ERC2: variants seen among roughly 807,000 people sequenced by gnomAD.
ERC2 encodes ERC protein 2.
ERC2 carries 42 observed loss-of-function variants against 114.8 expected under a neutral mutation model. The observed-to-expected ratio is 0.37, with a 90% CI of 0.29 to 0.47. The LOEUF (loss-of-function observed/expected upper bound fraction) is 0.47, where lower values mean the gene tolerates loss of function less well. ERC2 is among the 20% of genes least tolerant of loss of function. The probability of loss-of-function intolerance (pLI) is 0.99; values close to 1 mark genes in which losing one functional copy is unlikely to be tolerated. For synonymous variants in ERC2, 454 were observed against 425.5 expected, an observed-to-expected ratio of 1.07 and a Z score of -0.82; for missense variants, 939 against 1,150.7, an observed-to-expected ratio of 0.82 and a Z score of 2.66.
chr3:56,238,260 G>A (rs1487642643), intron 3 of ERC2, among the ~76,000 whole-genome samples: 5 of 152,230 alleles, frequency 3.3e-5, no homozygotes, highest in Admixed American at 3.3e-4. Flanking sequence ...CACAGCCTCT[G>A]TCCTTGGAAA....
Position 55,839,673 on chromosome 3 carries a change from C to A in ERC2, c.2564+48716G>T, listed in dbSNP as rs865954697. Among the ~76,000 whole-genome samples the A allele has an allele frequency of 5.3e-5, 8 of 151,750 alleles. No homozygotes were observed. In the Middle Eastern group the frequency reaches 0.01, roughly 195 times the overall value. ...CATATTATAAATCCTAAAGCAACCA[C>A]CAAAATAACAAAACAAAGAGCTATG... On this transcript the variant is annotated intron_variant, in intron 14 of 17. Coordinates refer to ENST00000288221, the MANE Select transcript of ERC2 (RefSeq NM_015576.3).
chr3:56,345,188 G>A (rs1267721240), intron 2 of ERC2, among the ~76,000 whole-genome samples: 1 of 152,232 alleles, frequency 6.6e-6, no homozygotes, highest in African/African-American at 2.4e-5. Context: ...ACCAGACACT[G>A]TAAGGATCTG....
intron 1 of ERC2, among the ~76,000 whole-genome samples, chr3:56,465,685 C>G (rs191019202): frequency 8.5e-5 from 13 of 152,186 alleles, no homozygotes; most frequent in African/African-American, 2.9e-4. Context: ...AGTTTGGAAC[C>G]AAATTTTTAT....
chr3:55,814,429 A>T (rs947118912), intron 14 of ERC2, among the ~76,000 whole-genome samples: 6 of 152,238 alleles, frequency 3.9e-5, no homozygotes, highest in Admixed American at 2.6e-4. Context: ...TCCTGCTGCC[A>T]ACTCGGAAGA....
intron 17 of ERC2, among the ~76,000 whole-genome samples, chr3:55,547,592 A>G (rs983026434): frequency 6.6e-6 from 1 of 152,156 alleles, no homozygotes; most frequent in Admixed American, 6.5e-5. Context: ...TCCGTGGGGT[A>G]GCACACAAAA....
At chr3:56,032,977 G>GACAGAGAAAGAAAGAA (rs767054115) in intron 7 of ERC2, among the ~76,000 whole-genome samples, 1 of 45,438 alleles carries the variant, frequency 2.2e-5, no homozygotes, top group African/African-American at 6.9e-5. Context: ...AAGAAAGAAA[G>GACAGAGAAAGAAAGAA]AGAAAGAAAG....
At chr3:56,235,757 A>G (rs1241085426) in intron 3 of ERC2, among the ~76,000 whole-genome samples, 1 of 152,244 alleles carries the variant, frequency 6.6e-6, no homozygotes, top group Non-Finnish European at 1.5e-5. Context: ...AATATAATTA[A>G]AAGTTCAGGT....
chr3:55,812,834 T>C (rs1028354121), intron 14 of ERC2, among the ~76,000 whole-genome samples: 12 of 152,234 alleles, frequency 7.9e-5, no homozygotes, highest in Admixed American at 6.5e-4. Context: ...TCAGTTTGTG[T>C]TTGTGTGTAC....
Position 55,772,346 on chromosome 3 carries a change from G to A in ERC2, c.2565-37428C>T, listed in dbSNP as rs183634667. On this transcript the variant is annotated intron_variant, in intron 14 of 17. Transcript: ENST00000288221. ...TTTTTTTTTTTTGAGACGGAGTCTCGCTCTGTAGCCCAGGCTGGAGTGCAG... is the reference window on the plus strand; with the variant it reads ...TTTTTTTTTTTTGAGACGGAGTCTCACTCTGTAGCCCAGGCTGGAGTGCAG... Among the ~76,000 whole-genome samples the A allele has an allele frequency of 4.0e-5, 6 of 150,300 alleles. No individual in the cohort carries two copies. The East Asian group carries it at 8.0e-4, about 20-fold the overall frequency.
At chr3:56,213,891 C>T (rs6445774) in intron 3 of ERC2, among the ~76,000 whole-genome samples, 68,960 of 151,928 alleles carry the variant, frequency 0.45, 16,121 homozygotes, top group East Asian at 0.71. Context: ...CCCAGGAAAA[C>T]GGGGTCTAGA....
chr3:55,604,896 A>G (rs1359432664), intron 17 of ERC2, among the ~76,000 whole-genome samples: 1 of 152,146 alleles, frequency 6.6e-6, no homozygotes, highest in Non-Finnish European at 1.5e-5. Flanking sequence ...GTGTATCAGG[A>G]TCATCCAGAG....
chr3:56,443,443 C>T (rs931516551), intron 1 of ERC2, among the ~76,000 whole-genome samples: 12 of 152,152 alleles, frequency 7.9e-5, no homozygotes, highest in African/African-American at 1.7e-4. Context: ...GACCATTTCA[C>T]CCCCGGCTGC....
chr3:56,070,489 T>G (rs1384293051), intron 7 of ERC2, among the ~76,000 whole-genome samples: 1 of 151,976 alleles, frequency 6.6e-6, no homozygotes, highest in Non-Finnish European at 1.5e-5. Context: ...AAATCCATCA[T>G]AGTGAAATTG....
At chr3:55,855,942 T>C (rs2061766332) in intron 14 of ERC2, among the ~76,000 whole-genome samples, 1 of 152,178 alleles carries the variant, frequency 6.6e-6, no homozygotes, top group East Asian at 1.9e-4. Flanking sequence ...TATTTGGCCA[T>C]CGACCTCCAG....
intron 14 of ERC2, among the ~76,000 whole-genome samples, chr3:55,835,134 C>A (rs575075794): frequency 6.6e-6 from 1 of 152,056 alleles, no homozygotes; most frequent in Non-Finnish European, 1.5e-5. Flanking sequence ...AAAAAGAGTC[C>A]AGGACCAGAT....
chr3:55,627,606 G>C (rs1464913626), intron 17 of ERC2, among the ~76,000 whole-genome samples: 3 of 152,236 alleles, frequency 2.0e-5, no homozygotes, highest in Non-Finnish European at 2.9e-5. Flanking sequence ...AGCTAGGCAA[G>C]ATTAATGAGA....
At chr3:56,411,933 T>C (rs1358430063) in intron 2 of ERC2, among the ~76,000 whole-genome samples, 1 of 152,226 alleles carries the variant, frequency 6.6e-6, no homozygotes, top group Non-Finnish European at 1.5e-5. Context: ...GTGTGGTTGA[T>C]TGAATACTGG....
At chr3:56,217,039 T>G (rs541109736) in intron 3 of ERC2, among the ~76,000 whole-genome samples, 1 of 152,314 alleles carries the variant, frequency 6.6e-6, no homozygotes, top group African/African-American at 2.4e-5. Flanking sequence ...AATATCATAC[T>G]GAAGGGGCAA....
intron 3 of ERC2, among the ~76,000 whole-genome samples, chr3:56,273,438 T>C (rs949359412): frequency 2.6e-5 from 4 of 151,534 alleles, no homozygotes; most frequent in Non-Finnish European, 5.9e-5. Flanking sequence ...AGAGACAGGG[T>C]TTTCCCATGT....
Sources: gnomAD v4.1 joint callset for allele counts (sites outside exome capture counted in the v4.1 genomes callset) on GRCh38, gnomAD v4.1.1 for gene constraint, MANE v1.5 for transcripts, NCBI Gene and HGNC (gene_info 2026-07-23, HGNC 2026-07-21) for gene names.